Variants in PRPSAP2 observed in about 807,000 individuals in gnomAD.
PRPSAP2 encodes the protein phosphoribosyl pyrophosphate synthase-associated protein 2.
A neutral mutation model predicts 40.6 loss-of-function variants in PRPSAP2; 24 were observed. The observed-to-expected ratio is 0.59, with a 90% CI of 0.43 to 0.83. The LOEUF is 0.83. Ranked by LOEUF, PRPSAP2 falls within the 40% of genes least tolerant of loss-of-function variation. The pLI, the probability that PRPSAP2 is intolerant of heterozygous loss-of-function variation, is 0.00. For synonymous variants in PRPSAP2, 149 were observed against 164.7 expected, an observed-to-expected ratio of 0.90 and a Z score of 0.73; for missense variants, 292 against 465.6, an observed-to-expected ratio of 0.63 and a Z score of 3.43.
intron 8 of PRPSAP2, among the ~76,000 whole-genome samples, chr17:18,897,144 G>A (rs553782217): frequency 6.6e-6 from 1 of 152,056 alleles, no homozygotes; most frequent in South Asian, 2.1e-4. Flanking sequence ...TTTTTGTAGA[G>A]ATGGGGTCTC....
At chr17:18,912,395 G>C (rs576263441) in intron 9 of PRPSAP2, among the ~76,000 whole-genome samples, 66 of 152,220 alleles carry the variant, frequency 4.3e-4, no homozygotes, top group African/African-American at 1.5e-3. Context: ...ACCACAGTGG[G>C]TTCCAGCATG....
intron 6 of PRPSAP2, among the ~76,000 whole-genome samples, chr17:18,881,842 ATTTT>A (rs368088976): frequency 7.6e-6 from 1 of 131,696 alleles, no homozygotes; most frequent in Non-Finnish European, 1.6e-5. Flanking sequence ...CATGAGAGCA[ATTTT>A]TTTTTTTTTT....
At chr17:18,886,844 T>C (rs955050879) in intron 7 of PRPSAP2, among the ~76,000 whole-genome samples, 1 of 152,100 alleles carries the variant, frequency 6.6e-6, no homozygotes, top group Non-Finnish European at 1.5e-5. Context: ...TTTCCAGTGA[T>C]GAATATTTGA....
intron 9 of PRPSAP2, among the ~76,000 whole-genome samples, chr17:18,914,707 C>G (rs2041197222): frequency 6.6e-6 from 1 of 151,234 alleles, no homozygotes; most frequent in Non-Finnish European, 1.5e-5. Flanking sequence ...CCCTCTTTTG[C>G]CAAAGATTCT....
chr17:18,868,240 G>A (rs1409722090), intron 4 of PRPSAP2, among the ~76,000 whole-genome samples: 1 of 152,156 alleles, frequency 6.6e-6, no homozygotes, highest in Non-Finnish European at 1.5e-5. Flanking sequence ...TTGGGAGGCC[G>A]AGGTGGGCGG....
rs572756691 is a variant in PRPSAP2 at position 18,931,048 on chromosome 17, G to A, written c.*350G>A. The A allele has an allele frequency of 8.9e-5, 15 of 167,748 alleles. No homozygotes were observed. The South Asian group carries it at 2.7e-3, about 30-fold the overall frequency. The allele number at this position is 167,748 out of a possible 1,614,324, so 10.4% of individuals were successfully genotyped here. A position where few individuals can be genotyped will look rare whatever the true frequency, so the allele number is the denominator to read the frequency against. Reference sequence around the variant, plus strand: ...GCTTAAAAAGTTAATAAAATAAAATGATCTGTATGATACCTGCAATTGAAA... The same window carrying A: ...GCTTAAAAAGTTAATAAAATAAAATAATCTGTATGATACCTGCAATTGAAA... On this transcript the variant is annotated 3_prime_UTR_variant, in exon 12 of 12. Transcript: ENST00000268835.
At chr17:18,876,747 A>G (rs571605192) in intron 5 of PRPSAP2, among the ~76,000 whole-genome samples, 1 of 152,300 alleles carries the variant, frequency 6.6e-6, no homozygotes, top group South Asian at 2.1e-4. Flanking sequence ...GGTAGGCCTC[A>G]TTGTGGAGGT....
chr17:18,856,985 A>G, upstream of PRPSAP2, among the ~76,000 whole-genome samples: 1 of 152,156 alleles, frequency 6.6e-6, no homozygotes, highest in East Asian at 1.9e-4. Flanking sequence ...TGGATACCAA[A>G]AGTACTAATT....
chr17:18,878,667 CCTGCCT>C (rs1403622563), intron 6 of PRPSAP2, among the ~76,000 whole-genome samples: 4 of 151,518 alleles, frequency 2.6e-5, no homozygotes, highest in Non-Finnish European at 5.9e-5. Context: ...AAGCGATTCT[CCTGCCT>C]CAGCCTCCCA....
intron 8 of PRPSAP2, among the ~76,000 whole-genome samples, chr17:18,894,024 A>G (rs67411574): frequency 0.36 from 54,497 of 151,822 alleles, 9,922 homozygotes; most frequent in Non-Finnish European, 0.39. Flanking sequence ...CACCTGGCTA[A>G]TTAGTAGAGA....
intron 9 of PRPSAP2, among the ~76,000 whole-genome samples, chr17:18,915,456 A>G (rs950227149): frequency 4.0e-5 from 6 of 151,756 alleles, no homozygotes; most frequent in Non-Finnish European, 8.8e-5. Flanking sequence ...AACAGACTAT[A>G]TAAGACTGGG....
At chr17:18,915,396 T>A (rs1434785267) in intron 9 of PRPSAP2, among the ~76,000 whole-genome samples, 1 of 152,198 alleles carries the variant, frequency 6.6e-6, no homozygotes, top group Admixed American at 6.6e-5. Context: ...TGAGGCTTTC[T>A]TTACAGCTGT....
At chr17:18,870,718 A>G (rs1465076489) in intron 4 of PRPSAP2, among the ~76,000 whole-genome samples, 1 of 151,884 alleles carries the variant, frequency 6.6e-6, no homozygotes, top group Admixed American at 6.6e-5. Flanking sequence ...CTGAGGCAGG[A>G]AGATCACTTG....
intron 4 of PRPSAP2, among the ~76,000 whole-genome samples, chr17:18,871,111 C>T (rs2037829237): frequency 6.6e-6 from 1 of 152,054 alleles, no homozygotes; most frequent in Admixed American, 6.6e-5. Context: ...CCTCTGCCTC[C>T]CAGGTTCAAG....
chr17:18,882,734 A>T lies in PRPSAP2; in HGVS notation c.528+51A>T, dbSNP rs749235837. The T allele has an allele frequency of 3.3e-6, 4 of 1,202,724 alleles. No homozygotes were observed. In the South Asian group the frequency reaches 5.0e-5, roughly 15 times the overall value. The allele number at this position is 1,202,724 out of a possible 1,614,324, so 74.5% of individuals were successfully genotyped here. On this transcript the variant is annotated intron_variant, in intron 7 of 11. Transcript: ENST00000268835. ...TTAACATTCTGATTAAGGTTGAAAG[A>T]TGTATTTCCATTTCCTTAGGATACC... is the stretch of plus-strand genomic sequence containing the variant.
chr17:18,893,584 G>A (rs66538817), intron 8 of PRPSAP2, among the ~76,000 whole-genome samples: 11,735 of 121,118 alleles, frequency 0.097, 550 homozygotes, highest in Middle Eastern at 0.17. Context: ...GTGAGACCTC[G>A]TTTTTAAGAA....
At position 18,930,561 on chromosome 17, in the gene PRPSAP2, C is replaced by T; in HGVS notation, c.973C>T (p.Pro325Ser). Residue 325 changes from proline to serine, a missense_variant, in exon 12 of 12, where the codon CCA (proline) becomes TCA (serine). Physicochemically the swap from Pro to Ser is moderately conservative, Grantham distance 74. This residue lies in a region of PRPSAP2 where 241 missense variants were observed against 425.7 expected (regional missense o/e 0.57). Coordinates refer to ENST00000268835, the MANE Select transcript of PRPSAP2 (RefSeq NM_002767.4). ...IDEVVVTNTI[P>S]HEVQKLQCPK... is the part of the protein sequence containing the mutation. ...ACAGGTGGTGGTCACCAATACAATT[C>T]CACATGAAGTCCAGAAGCTCCAGTG... 6.3e-7 allele frequency: 1 copy of T among 1,599,336 alleles called. No individual in the cohort carries two copies. The highest frequency in any genetic ancestry group is 8.5e-7 in the Non-Finnish European group (1 of 1,171,510).
chr17:18,866,335 C>A (rs546731893), intron 3 of PRPSAP2, among the ~76,000 whole-genome samples: 4 of 152,008 alleles, frequency 2.6e-5, no homozygotes, highest in Non-Finnish European at 5.9e-5. Context: ...GAGGCCAAGG[C>A]GGGTGTATCA....
chr17:18,905,926 A>G (rs2040558792), intron 8 of PRPSAP2, among the ~76,000 whole-genome samples: 1 of 152,090 alleles, frequency 6.6e-6, no homozygotes, highest in African/African-American at 2.4e-5. Context: ...TTTTTTTTGT[A>G]AGGATGAATT....
Sources: allele counts gnomAD v4.1 joint callset (sites outside exome capture counted in the v4.1 genomes callset), GRCh38; gene constraint gnomAD v4.1.1; regional missense constraint gnomAD v4.1.1; transcripts MANE v1.5; gene names NCBI Gene and HGNC (gene_info 2026-07-23, HGNC 2026-07-21).